The following PLEKHH2 variants were observed in gnomAD, a reference collection of about 807,000 sequenced individuals.
PLEKHH2 encodes the protein pleckstrin homology, MyTH4 and FERM domain containing H2.
In PLEKHH2, 129 loss-of-function variants were observed where a neutral mutation model predicts 187.9. The observed-to-expected ratio is 0.69, with a 90% CI of 0.59 to 0.79. The LOEUF (loss-of-function observed/expected upper bound fraction) is 0.79, where lower values mean the gene tolerates loss of function less well. Ranked by LOEUF, PLEKHH2 falls within the 30% of genes least tolerant of loss-of-function variation. The probability of loss-of-function intolerance (pLI) is 0.00; values close to 1 mark genes in which losing one functional copy is unlikely to be tolerated. For synonymous variants in PLEKHH2, 686 were observed against 605.6 expected, an observed-to-expected ratio of 1.13 and a Z score of -1.95; for missense variants, 2,076 against 1,751.2, an observed-to-expected ratio of 1.19 and a Z score of -3.31.
At chr2:43,764,738 G>A (rs1307780648) in intron 29 of PLEKHH2, among the ~76,000 whole-genome samples, 1 of 152,194 alleles carries the variant, frequency 6.6e-6, no homozygotes, top group Non-Finnish European at 1.5e-5. Context: ...TTATTCACTT[G>A]AGGTTATTTG....
In PLEKHH2 at chr2:43,717,467, G is replaced by T. The variant is rs534861568; in HGVS notation, c.2461-3202G>T. On this transcript the variant is annotated intron_variant, in intron 15 of 29. Transcript: ENST00000282406. ...AAACAAACCCAAGAATAGGAGTGTG[G>T]TAAGTGAGAGGGGGAGGGAAGTGGG... 1.9e-4 allele frequency among the ~76,000 whole-genome samples: 29 copies of T among 152,274 alleles called. No homozygotes were observed. In the South Asian group the frequency reaches 4.1e-3, roughly 22 times the overall value.
chr2:43,741,117 G>A (rs868816288), intron 21 of PLEKHH2, 74 bp downstream of exon 21: 19 of 1,323,240 alleles, frequency 1.4e-5, no homozygotes, highest in South Asian at 7.0e-5. Flanking sequence ...AGTATTTAAC[G>A]ATCTGCCAGG....
At position 43,644,786 on chromosome 2, in the gene PLEKHH2, T is replaced by C; in HGVS notation, c.113T>C (p.Leu38Ser). The change falls in exon 2 of 30, where the codon TTA becomes TCA. Residue 38 changes from leucine (L) to serine (S), a missense_variant. Coordinates refer to ENST00000282406, the MANE Select transcript of PLEKHH2 (RefSeq NM_172069.4). ...RVQASKIRELLAEKMQQLERQ... is the reference protein window; with the variant it reads ...RVQASKIRELSAEKMQQLERQ... ...CAAGCAAGCAAGATACGAGAGCTTT[T>C]AGCAGAGAAGGTAAGCTTTCTCCCT... The C allele has an allele frequency of 6.2e-7, 1 of 1,606,612 alleles. No homozygotes were observed. The highest frequency in any genetic ancestry group is 8.5e-7 in the Non-Finnish European group (1 of 1,175,880).
chr2:43,766,770 G>C lies in PLEKHH2; in HGVS notation c.*1172G>C, dbSNP rs1030721779. 6.6e-6 allele frequency: 1 copy of C among 151,752 alleles called. No individual in the cohort carries two copies. Among genetic ancestry groups the C allele is most frequent in the Admixed American group, 6.6e-5 (1 of 15,222 alleles). The allele number at this position is 151,752 out of a possible 1,614,324, so 9.4% of individuals were successfully genotyped here. A position where few individuals can be genotyped will look rare whatever the true frequency, so the allele number is the denominator to read the frequency against. ...GCACCACCATGCCCATCTAATATTTGTATTTTTAGTAGAGACAGGATCTCC... is the reference window on the plus strand; with the variant it reads ...GCACCACCATGCCCATCTAATATTTCTATTTTTAGTAGAGACAGGATCTCC... On this transcript the variant is annotated 3_prime_UTR_variant, in exon 30 of 30. Coordinates refer to ENST00000282406, the MANE Select transcript of PLEKHH2 (RefSeq NM_172069.4).
intron 7 of PLEKHH2, among the ~76,000 whole-genome samples, chr2:43,698,145 C>G (rs1669179533): frequency 1.3e-5 from 2 of 152,108 alleles, no homozygotes; most frequent in African/African-American, 4.8e-5. Flanking sequence ...AAAGTTGTCT[C>G]TATGCTTGGT....
intron 2 of PLEKHH2, among the ~76,000 whole-genome samples, chr2:43,656,958 G>C (rs373981172): frequency 6.6e-6 from 1 of 152,224 alleles, no homozygotes; most frequent in Non-Finnish European, 1.5e-5. Context: ...GGTGGAGGTT[G>C]CAGTGAGCCG....
intron 4 of PLEKHH2, among the ~76,000 whole-genome samples, chr2:43,693,497 A>T (rs894347525): frequency 6.6e-6 from 1 of 152,122 alleles, no homozygotes; most frequent in Admixed American, 6.5e-5. Flanking sequence ...AGGCCAAGGC[A>T]GGTGGATCAC....
At chr2:43,675,487 G>A (rs759068464) in intron 2 of PLEKHH2, 5 of 1,613,808 alleles carry the variant, frequency 3.1e-6, no homozygotes, top group East Asian at 2.2e-5. Flanking sequence ...CTTTTGGGGG[G>A]TCAGTCCATT....
At chr2:43,686,693 A>T (rs1386044245) in intron 3 of PLEKHH2, among the ~76,000 whole-genome samples, 1 of 152,230 alleles carries the variant, frequency 6.6e-6, no homozygotes, top group East Asian at 1.9e-4. Context: ...GTACTATGCC[A>T]AAATAATTGT....
At chr2:43,668,679 CTT>C (rs928474178) in intron 2 of PLEKHH2, among the ~76,000 whole-genome samples, 2 of 152,142 alleles carry the variant, frequency 1.3e-5, no homozygotes, top group Non-Finnish European at 2.9e-5. Context: ...AGGATCAAAA[CTT>C]TTTGATTAAA....
intron 8 of PLEKHH2, 65 bp from the exon 9 acceptor site, chr2:43,703,916 C>CTTTTTTTT (rs10530805): frequency 1.3e-5 from 5 of 387,560 alleles, no homozygotes; most frequent in African/African-American, 6.2e-5. Flanking sequence ...TGAAAGTAGT[C>CTTTTTTTT]TTTTTTTTTT....
chr2:43,707,888 C>G (rs1264285948), intron 11 of PLEKHH2, among the ~76,000 whole-genome samples: 2 of 152,098 alleles, frequency 1.3e-5, no homozygotes, highest in Non-Finnish European at 2.9e-5. Context: ...ACACTGCTAA[C>G]TGGCAGAAAA....
intron 2 of PLEKHH2, among the ~76,000 whole-genome samples, chr2:43,658,345 A>C (rs1019093382): frequency 1.3e-5 from 2 of 152,196 alleles, no homozygotes; most frequent in Admixed American, 6.5e-5. Flanking sequence ...TCTCTCTTCT[A>C]CTGGGTTCAG....
chr2:43,723,886 G>A (rs1037676967), intron 16 of PLEKHH2, among the ~76,000 whole-genome samples: 1 of 152,172 alleles, frequency 6.6e-6, no homozygotes, highest in African/African-American at 2.4e-5. Flanking sequence ...GAGGAGATGG[G>A]TTAGGAGCCA....
intron 6 of PLEKHH2, 22 bp from the exon 7 acceptor site, chr2:43,697,149 A>AT (rs753440440): frequency 2.0e-6 from 3 of 1,529,696 alleles, no homozygotes; most frequent in Non-Finnish European, 2.6e-6. Context: ...TCAAATCTTA[A>AT]TTTTGATTAA....
In PLEKHH2 at chr2:43,720,757, T is replaced by C; in HGVS notation, c.2541+8T>C. The C allele has an allele frequency of 1.3e-6, 2 of 1,598,118 alleles. No individual in the cohort carries two copies. Among genetic ancestry groups the C allele is most frequent in the Non-Finnish European group, 1.7e-6 (2 of 1,175,400 alleles). ...CGGAGTCAAGAAGATAAGGTATGTA[T>C]GTATTTTTAATATGCCAATTGAAGT... On this transcript the variant is annotated splice_region_variant and intron_variant, in intron 16 of 29. Transcript: ENST00000282406.
chr2:43,745,775 A>C, intron 23 of PLEKHH2, 91 bp from the exon 24 acceptor site: 1 of 868,446 alleles, frequency 1.2e-6, no homozygotes, highest in Non-Finnish European at 1.8e-6. Flanking sequence ...TGATCATATT[A>C]ATTGAAAAAT....
chr2:43,697,948 A>G (rs1424379723), intron 7 of PLEKHH2, among the ~76,000 whole-genome samples: 1 of 152,000 alleles, frequency 6.6e-6, no homozygotes. Flanking sequence ...TTAGTCTTGA[A>G]GTGCTTCTAT....
intron 2 of PLEKHH2, among the ~76,000 whole-genome samples, chr2:43,670,784 G>A (rs372217165): frequency 1.3e-5 from 2 of 151,906 alleles, no homozygotes; most frequent in East Asian, 1.9e-4. Flanking sequence ...CAATAATATC[G>A]AGTCTTCTGA....
Sources: gnomAD v4.1 joint callset for allele counts (sites outside exome capture counted in the v4.1 genomes callset) on GRCh38, gnomAD v4.1.1 for gene constraint, MANE v1.5 for transcripts, NCBI Gene and HGNC (gene_info 2026-07-23, HGNC 2026-07-21) for gene names.